The following STXBP4 variants were observed in gnomAD, a reference collection of about 807,000 sequenced individuals.
STXBP4 encodes syntaxin binding protein 4.
In STXBP4, 55 loss-of-function variants were observed where a neutral mutation model predicts 76.1. The observed-to-expected ratio is 0.72, with a 90% CI of 0.58 to 0.91. The LOEUF is 0.91. Among genes scored for constraint, STXBP4 ranks in the 40% least tolerant of loss-of-function variants. STXBP4 has a pLI of 0.00. For synonymous variants in STXBP4, 201 were observed against 220.2 expected (o/e 0.91, Z 0.77); for missense variants, 618 against 636.9 (o/e 0.97, Z 0.32).
chr17:55,026,857 A>G (rs922326433), intron 8 of STXBP4, among the ~76,000 whole-genome samples: 9 of 152,308 alleles, frequency 5.9e-5, no homozygotes, highest in African/African-American at 2.2e-4. Flanking sequence ...GCAAATGGGA[A>G]GTATGCTGCG....
downstream of STXBP4, among the ~76,000 whole-genome samples, chr17:55,177,287 G>C (rs2080434735): frequency 6.6e-6 from 1 of 151,974 alleles, no homozygotes; most frequent in Admixed American, 6.6e-5. Context: ...GAAATTTTCA[G>C]ACTGGTCCCT....
At chr17:55,073,419 G>A (rs1457560997) in intron 13 of STXBP4, among the ~76,000 whole-genome samples, 2 of 152,240 alleles carry the variant, frequency 1.3e-5, no homozygotes. Context: ...ATGGGAATGG[G>A]AGCAGGGGAG....
At chr17:55,124,211 A>G (rs2145099750) in intron 16 of STXBP4, among the ~76,000 whole-genome samples, 1 of 152,302 alleles carries the variant, frequency 6.6e-6, no homozygotes, top group Non-Finnish European at 1.5e-5. Context: ...GGTCCAAATG[A>G]TAAGACAGGC....
chr17:55,211,799 G>GTTTTTTTTTTTT, the STXBP4 span, among the ~76,000 whole-genome samples: 130 of 48,986 alleles, frequency 2.7e-3, 18 homozygotes, highest in African/African-American at 4.5e-3. Context: ...GTTTTTTGTT[G>GTTTTTTTTTTTT]TTTTTTTTTT....
intron 11 of STXBP4, among the ~76,000 whole-genome samples, chr17:55,046,104 T>C (rs1198805196): frequency 6.6e-6 from 1 of 152,030 alleles, no homozygotes; most frequent in Non-Finnish European, 1.5e-5. Context: ...TAAGGAAGGC[T>C]TTCTGCAGAA....
chr17:55,066,607 T>A (rs550084119), intron 12 of STXBP4, among the ~76,000 whole-genome samples: 2 of 152,296 alleles, frequency 1.3e-5, no homozygotes, highest in South Asian at 4.1e-4. Context: ...GAAATAAAAT[T>A]GACAAACAAG....
intron 16 of STXBP4, among the ~76,000 whole-genome samples, chr17:55,106,640 T>G (rs901691584): frequency 6.6e-6 from 1 of 152,206 alleles, no homozygotes; most frequent in African/African-American, 2.4e-5. Context: ...TCAAGAGCTC[T>G]TGTAAGGCAG....
intron 16 of STXBP4, among the ~76,000 whole-genome samples, chr17:55,131,097 A>G (rs766611845): frequency 1.3e-5 from 2 of 152,200 alleles, no homozygotes; most frequent in Non-Finnish European, 2.9e-5. Context: ...CCTACGTACT[A>G]TTTTCCAAAA....
intron 16 of STXBP4, among the ~76,000 whole-genome samples, chr17:55,124,359 G>C (rs557875486): frequency 6.6e-6 from 1 of 152,234 alleles, no homozygotes; most frequent in African/African-American, 2.4e-5. Flanking sequence ...GTTTTGGAAG[G>C]CATGACCCTT....
At chr17:55,211,165 G>A in the STXBP4 span, among the ~76,000 whole-genome samples, 9 of 151,980 alleles carry the variant, frequency 5.9e-5, no homozygotes, top group Non-Finnish European at 1.0e-4. Flanking sequence ...CACTCCACCC[G>A]CACCAGCCTT....
At position 54,999,291 on chromosome 17, in the gene STXBP4, AT is replaced by A. The variant is rs370898760; in HGVS notation, c.181-45del. On this transcript the variant is annotated intron_variant, in intron 4 of 17. Coordinates refer to ENST00000376352, the MANE Select transcript of STXBP4 (RefSeq NM_178509.6). ...TTCATTGCTTTAATTACATCAATTA[AT>A]TTTTTTTTAAATACCTCATTAGTTC... The A allele has an allele frequency of 9.6e-4, 1,348 of 1,400,644 alleles. 5 individuals are homozygous for A. In the African/African-American group the frequency reaches 0.013, roughly 13 times the overall value. The allele number at this position is 1,400,644 out of a possible 1,614,324, so 86.8% of individuals were successfully genotyped here. A position where few individuals can be genotyped will look rare whatever the true frequency, so the allele number is the denominator to read the frequency against.
intron 11 of STXBP4, chr17:55,043,577 G>A (rs1193272937): frequency 2.0e-6 from 3 of 1,526,692 alleles, no homozygotes; most frequent in South Asian, 1.2e-5. Flanking sequence ...CTTCTGTTGA[G>A]GTTTCTTCTT....
intron 17 of STXBP4, among the ~76,000 whole-genome samples, chr17:55,150,152 C>T (rs765335882): frequency 5.3e-5 from 8 of 152,270 alleles, no homozygotes; most frequent in Non-Finnish European, 8.8e-5. Flanking sequence ...AACTCTTTCC[C>T]TTCCAAATTT....
intron 16 of STXBP4, among the ~76,000 whole-genome samples, chr17:55,129,012 CT>C (rs2079944732): frequency 1.3e-5 from 2 of 150,712 alleles, no homozygotes; most frequent in South Asian, 4.2e-4. Context: ...TCACTGCAAC[CT>C]CCATCTCCTG....
In STXBP4 at chr17:55,161,079, C is replaced by T. The variant is rs1343865979; in HGVS notation, c.*1168C>T. On this transcript the variant is annotated 3_prime_UTR_variant, in exon 18 of 18. Transcript: ENST00000376352. ...GGTCCTTAGAACATAGTCTAAGAACCATTCATTGTAGCCATTTTATAGTTG... is the reference window on the plus strand; with the variant it reads ...GGTCCTTAGAACATAGTCTAAGAACTATTCATTGTAGCCATTTTATAGTTG... 1 of 152,198 alleles carries T rather than the reference C, an allele frequency of 6.6e-6. No homozygotes were observed. The highest frequency in any genetic ancestry group is 2.4e-5 in the African/African-American group (1 of 41,438). 9.4% of individuals were successfully genotyped at this position (152,198 alleles called of 1,614,324 possible).
rs1471887780 is a variant in STXBP4, at chr17:55,160,133, T to G, written c.*222T>G. The G allele has an allele frequency of 1.2e-5, 4 of 341,162 alleles. No individual in the cohort carries two copies. The Admixed American group carries it at 1.8e-4, about 15-fold the overall frequency. The allele number at this position is 341,162 out of a possible 1,614,324, so 21.1% of individuals were successfully genotyped here. On this transcript the variant is annotated 3_prime_UTR_variant, in exon 18 of 18. Transcript: ENST00000376352. ...CAGTAGTTCCTTAAGAATAATCTAG[T>G]TATATTTTTTGAAATCACATATAAT...
intron 7 of STXBP4, 99 bp downstream of exon 7, chr17:55,000,982 A>AC: frequency 1.3e-6 from 1 of 795,794 alleles, no homozygotes; most frequent in Non-Finnish European, 2.0e-6. Flanking sequence ...AGGGTGAATT[A>AC]TGTCTTTGTT....
intron 16 of STXBP4, among the ~76,000 whole-genome samples, chr17:55,102,141 T>A (rs927072049): frequency 2.6e-5 from 4 of 152,132 alleles, no homozygotes; most frequent in Non-Finnish European, 5.9e-5. Flanking sequence ...TTTTTTTTTT[T>A]TATACTTTAA....
At chr17:55,192,352 T>TAAA in the STXBP4 span, among the ~76,000 whole-genome samples, 10 of 152,150 alleles carry the variant, frequency 6.6e-5, no homozygotes, top group African/African-American at 9.7e-5. Flanking sequence ...CTGTAAAATG[T>TAAA]ATGGCATGAC....
Sources: allele counts gnomAD v4.1 joint callset (sites outside exome capture counted in the v4.1 genomes callset), GRCh38; gene constraint gnomAD v4.1.1; transcripts MANE v1.5; gene names NCBI Gene and HGNC (gene_info 2026-07-23, HGNC 2026-07-21).